The following JAZF1 variants were observed in gnomAD, a reference collection of about 807,000 sequenced individuals.
JAZF1 encodes juxtaposed with another zinc finger protein 1.
JAZF1 carries 8 observed loss-of-function variants against 26.4 expected under a neutral mutation model. The ratio of observed to expected loss-of-function variants is 0.30; its 90% CI spans 0.18 to 0.55. The LOEUF (loss-of-function observed/expected upper bound fraction) is 0.55, where lower values mean the gene tolerates loss of function less well. Among genes scored for constraint, JAZF1 ranks in the 20% least tolerant of loss-of-function variants. JAZF1 has a pLI of 0.94. For missense variants in JAZF1, 199 were observed against 322.0 expected (o/e 0.62, Z 2.92); for synonymous variants, 126 against 122.3 (o/e 1.03, Z -0.20).
At chr7:28,033,379 T>C (rs891877927) in intron 1 of JAZF1, among the ~76,000 whole-genome samples, 1 of 152,242 alleles carries the variant, frequency 6.6e-6, no homozygotes, top group African/African-American at 2.4e-5. Context: ...GGCAGCAGAC[T>C]GTGGCTCTGA....
intron 1 of JAZF1, among the ~76,000 whole-genome samples, chr7:28,170,332 TTGATATGTGTGTGTGTGTGTGTG>T (rs1783435598): frequency 7.0e-6 from 1 of 143,718 alleles, no homozygotes; most frequent in Non-Finnish European, 1.5e-5. Flanking sequence ...AAAAGAGAAG[TTGATATGTGTGTGTGTGTGTGTG>T]TGTGTGTGTG....
At chr7:27,905,081 G>A (rs1269701522) in intron 2 of JAZF1, among the ~76,000 whole-genome samples, 1 of 152,036 alleles carries the variant, frequency 6.6e-6, no homozygotes, top group Non-Finnish European at 1.5e-5. Context: ...CTACAGGGAT[G>A]CACTTCCAAA....
chr7:28,164,110 C>T (rs1044128127), intron 1 of JAZF1, among the ~76,000 whole-genome samples: 2 of 152,200 alleles, frequency 1.3e-5, no homozygotes, highest in Admixed American at 1.3e-4. Flanking sequence ...CAGCCTGGTT[C>T]CCAGAAGGAA....
chr7:28,084,715 G>C (rs1336909007), intron 1 of JAZF1, among the ~76,000 whole-genome samples: 1 of 152,184 alleles, frequency 6.6e-6, no homozygotes, highest in Non-Finnish European at 1.5e-5. Flanking sequence ...GATGGCCTTG[G>C]AGCAGCTCTG....
At chr7:27,987,475 G>A (rs974568482) in intron 2 of JAZF1, among the ~76,000 whole-genome samples, 2 of 152,136 alleles carry the variant, frequency 1.3e-5, no homozygotes, top group African/African-American at 2.4e-5. Flanking sequence ...CCCCGTCCAG[G>A]AGGTTGGGGG....
At chr7:27,916,519 T>C (rs1014081372) in intron 2 of JAZF1, among the ~76,000 whole-genome samples, 6 of 152,198 alleles carry the variant, frequency 3.9e-5, no homozygotes, top group Non-Finnish European at 8.8e-5. Flanking sequence ...TAAATACATA[T>C]TGTTGATTCC....
intron 1 of JAZF1, among the ~76,000 whole-genome samples, chr7:28,069,121 G>A (rs1274127864): frequency 6.6e-6 from 1 of 152,218 alleles, no homozygotes; most frequent in Non-Finnish European, 1.5e-5. Context: ...ACAAGGCAGA[G>A]AGGGGATGGA....
chr7:28,017,696 TC>T lies in JAZF1; in HGVS notation c.116-25716del, dbSNP rs1323026095. On this transcript the variant is annotated intron_variant, in intron 1 of 4. Transcript: ENST00000283928. The stretch of plus-strand genomic sequence containing the variant: ...GATACTTGTGGGCTCACCAGTGAAA[TC>T]CTGCCCTCGTGATGTGTACATTTTG... 8.5e-5 allele frequency among the ~76,000 whole-genome samples: 13 copies of T among 152,338 alleles called. No individual in the cohort carries two copies. The East Asian group carries it at 2.5e-3, about 29-fold the overall frequency.
chr7:28,167,006 C>CGTG (rs1191009232), intron 1 of JAZF1, among the ~76,000 whole-genome samples: 5 of 152,120 alleles, frequency 3.3e-5, no homozygotes, highest in Non-Finnish European at 5.9e-5. Flanking sequence ...GCATAGGGAG[C>CGTG]ATCACCATGG....
chr7:28,140,195 G>T lies in JAZF1; in HGVS notation c.115+40268C>A, dbSNP rs1335647570. Among the ~76,000 whole-genome samples, 3 of 150,968 alleles carry T rather than the reference G, an allele frequency of 2.0e-5. No individual in the cohort carries two copies. In the Admixed American group the frequency reaches 2.0e-4, roughly 10 times the overall value. ...GCTCCCCGGTTCCAGCAATTCTCCTGCCTCAGCCTCCTGAGTAGCTGGGAT... is the reference window on the plus strand; with the variant it reads ...GCTCCCCGGTTCCAGCAATTCTCCTTCCTCAGCCTCCTGAGTAGCTGGGAT... On this transcript the variant is annotated intron_variant, in intron 1 of 4. Transcript: ENST00000283928.
intron 2 of JAZF1, among the ~76,000 whole-genome samples, chr7:27,934,136 G>A (rs910852232): frequency 2.6e-5 from 4 of 152,194 alleles, no homozygotes; most frequent in Non-Finnish European, 5.9e-5. Context: ...TCAGAAGCCA[G>A]TATGCTCATT....
At position 28,058,300 on chromosome 7, in the gene JAZF1, T is replaced by A. The variant is rs938277986; in HGVS notation, c.116-66319A>T. 5.3e-5 allele frequency among the ~76,000 whole-genome samples: 8 copies of A among 152,106 alleles called. No homozygotes were observed. The South Asian group carries it at 1.7e-3, about 32-fold the overall frequency. On this transcript the variant is annotated intron_variant, in intron 1 of 4. Transcript: ENST00000283928. ...CTAAGGAAAGCTCACTTTTTATGAG[T>A]CCACAGCAAAGAACCTGGGGTGGCC...
At chr7:28,170,596 C>A (rs890558314) in intron 1 of JAZF1, among the ~76,000 whole-genome samples, 50 of 152,196 alleles carry the variant, frequency 3.3e-4, no homozygotes, top group African/African-American at 1.1e-3. Context: ...CCTGTCCTAC[C>A]TAAGTGTTTT....
intron 1 of JAZF1, among the ~76,000 whole-genome samples, chr7:28,037,613 G>A (rs1783315769): frequency 1.3e-5 from 2 of 152,206 alleles, no homozygotes; most frequent in East Asian, 1.9e-4. Context: ...GAAAGGGAAG[G>A]AATTTTTACA....
chr7:27,876,310 T>C (rs1410270880), intron 3 of JAZF1, among the ~76,000 whole-genome samples: 3 of 152,226 alleles, frequency 2.0e-5, no homozygotes, highest in African/African-American at 7.2e-5. Flanking sequence ...TAGGTAATCT[T>C]GATTTTTGGT....
chr7:28,062,704 C>T (rs747260339), intron 1 of JAZF1, among the ~76,000 whole-genome samples: 5 of 152,172 alleles, frequency 3.3e-5, no homozygotes, highest in Admixed American at 6.5e-5. Flanking sequence ...GAGTGGCTTC[C>T]GAGTGTGTCC....
chr7:28,012,222 T>C (rs1481671262), intron 1 of JAZF1, among the ~76,000 whole-genome samples: 1 of 152,144 alleles, frequency 6.6e-6, no homozygotes, highest in Non-Finnish European at 1.5e-5. Context: ...TCATTCACCG[T>C]GTCAAAAAAT....
chr7:28,120,539 C>T (rs1405406437), intron 1 of JAZF1, among the ~76,000 whole-genome samples: 18 of 70,096 alleles, frequency 2.6e-4, no homozygotes, highest in Admixed American at 2.1e-3. Context: ...GACAGAGTCT[C>T]GCTCTGTTGC....
intron 1 of JAZF1, among the ~76,000 whole-genome samples, chr7:28,060,344 T>C (rs1272848800): frequency 1.3e-5 from 2 of 152,228 alleles, no homozygotes; most frequent in African/African-American, 4.8e-5. Flanking sequence ...CTCTTGTTCA[T>C]AATGATTTAT....
Sources: allele counts gnomAD v4.1 joint callset (sites outside exome capture counted in the v4.1 genomes callset), GRCh38; gene constraint gnomAD v4.1.1; transcripts MANE v1.5; gene names NCBI Gene and HGNC (gene_info 2026-07-23, HGNC 2026-07-21).